NDUFB9: variants seen among roughly 807,000 people sequenced by gnomAD.
NDUFB9 encodes the protein NADH:ubiquinone oxidoreductase subunit B9, also known as NADH dehydrogenase [ubiquinone] 1 beta subcomplex subunit 9.
In NDUFB9, 24 loss-of-function variants were observed where a neutral mutation model predicts 30.2. That is an observed-to-expected ratio of 0.80 (90% CI 0.58 to 1.12). The LOEUF (loss-of-function observed/expected upper bound fraction) is 1.12. Among genes scored for constraint, NDUFB9 ranks in the 50% most tolerant of loss-of-function variants. The pLI is 0.00. For synonymous variants in NDUFB9, 80 were observed against 84.0 expected (o/e 0.95, Z 0.26); for missense variants, 204 against 226.0 (o/e 0.90, Z 0.62).
intron 3 of NDUFB9, among the ~76,000 whole-genome samples, chr8:124,549,292 C>G (rs1490669152): frequency 2.0e-5 from 3 of 152,164 alleles, no homozygotes; most frequent in Non-Finnish European, 2.9e-5. Context: ...TATTTTTGTT[C>G]TTGGTTGCTA....
intron 2 of NDUFB9, among the ~76,000 whole-genome samples, chr8:124,545,010 CAGA>C (rs1284882485): frequency 6.6e-6 from 1 of 152,142 alleles, no homozygotes; most frequent in East Asian, 1.9e-4. Flanking sequence ...AAGACTTCAG[CAGA>C]AGAAGTAACT....
rs1267343192 is a variant in NDUFB9 at position 124,549,747 on chromosome 8, T to A, written c.409-14T>A. On this transcript the variant is annotated splice_polypyrimidine_tract_variant and intron_variant, in intron 3 of 3. Transcript: ENST00000276689. ...GATTCCTTTGGTAATGATTCCTTCC[T>A]TGCCTCCTTCTAGGTTAAGCAGCTG... 1 of 1,613,502 alleles carries A rather than the reference T, an allele frequency of 6.2e-7. No individual in the cohort carries two copies. The highest frequency in any genetic ancestry group is 1.1e-5 in the South Asian group (1 of 91,072).
intron 1 of NDUFB9, among the ~76,000 whole-genome samples, chr8:124,542,590 A>G (rs1822039693): frequency 6.6e-6 from 1 of 152,132 alleles, no homozygotes; most frequent in African/African-American, 2.4e-5. Context: ...TAACTTGCCT[A>G]AGTTTATGCA....
In NDUFB9 at chr8:124,549,891, A is replaced by G. The variant is rs1377795411; in HGVS notation, c.539A>G (p.Ter180TrpextTer12). 1 of 1,614,180 alleles carries G rather than the reference A, an allele frequency of 6.2e-7. No individual in the cohort carries two copies. The highest frequency in any genetic ancestry group is 1.7e-5 in the Admixed American group (1 of 60,020). The change falls in exon 4 of 4, where the codon TAG (stop) becomes TGG (tryptophan). Residue 180 changes from the stop codon to tryptophan (W), a stop_lost. Transcript: ENST00000276689. ...ACCAGACCCCGGGAGCGGCCCATGT[A>G]GAAAGAGAGAGACCTCATCTTTCAT... ...IVTRPRERPM[*>W]
chr8:124,543,091 A>G lies in NDUFB9; in HGVS notation c.106A>G (p.Lys36Glu). Residue 36 changes from lysine (K) to glutamate (E), a missense_variant, in exon 2 of 4, where the codon AAA becomes GAA. By Grantham distance (56) the Lys-to-Glu change is moderately conservative. Coordinates refer to ENST00000276689, the MANE Select transcript of NDUFB9 (RefSeq NM_005005.3). ...HLESWCVQRDKYRYFACLMRA... is the reference protein window; with the variant it reads ...HLESWCVQRDEYRYFACLMRA... ...TCAAAATCATTTTGGTTTAAGAGAC[A>G]AATACCGATACTTTGCTTGTTTGAT... 6.2e-7 allele frequency: 1 copy of G among 1,614,178 alleles called. No individual in the cohort carries two copies.
At position 124,542,076 on chromosome 8, in the gene NDUFB9, C is replaced by T. The variant is rs141278034; in HGVS notation, c.102-1011C>T. 2.8e-3 allele frequency among the ~76,000 whole-genome samples: 426 copies of T among 150,392 alleles called. 1 individual carries two copies. Among genetic ancestry groups the T allele is most frequent in the African/African-American group, 0.01 (413 of 40,814 alleles). The stretch of plus-strand genomic sequence containing the variant: ...GATTACAGGTGCCTGCCACCACGCC[C>T]GGCTAGTTTTTGTATTTTTAGCTGA... On this transcript the variant is annotated intron_variant, in intron 1 of 3. Transcript: ENST00000276689.
chr8:124,542,073 G>A (rs1037340222), intron 1 of NDUFB9, among the ~76,000 whole-genome samples: 5 of 151,456 alleles, frequency 3.3e-5, no homozygotes, highest in South Asian at 4.2e-4. Flanking sequence ...CTGCCACCAC[G>A]CCCGGCTAGT....
At chr8:124,545,066 A>G (rs926261545) in intron 2 of NDUFB9, among the ~76,000 whole-genome samples, 5 of 152,228 alleles carry the variant, frequency 3.3e-5, no homozygotes, top group Non-Finnish European at 7.3e-5. Context: ...ATAGAAGCTG[A>G]TCCTGAGAAT....
chr8:124,543,241 C>A lies in NDUFB9; in HGVS notation c.256C>A (p.Pro86Thr). ...ACAGCCATACATCTTCCCTGACTCTCCTGGGGGCACCTCCTATGAGAGATA... is the reference window on the plus strand; with the variant it reads ...ACAGCCATACATCTTCCCTGACTCTACTGGGGGCACCTCCTATGAGAGATA... ...HPQPYIFPDSPGGTSYERYDC... is the reference protein window; with the variant it reads ...HPQPYIFPDSTGGTSYERYDC... The change falls in exon 2 of 4, where the codon CCT (proline) becomes ACT (threonine). Residue 86 changes from proline (P) to threonine (T), a missense_variant. By Grantham distance (38) the Pro-to-Thr change is conservative. Transcript: ENST00000276689. The A allele has an allele frequency of 1.2e-6, 2 of 1,614,192 alleles. No homozygotes were observed. Among genetic ancestry groups the A allele is most frequent in the Non-Finnish European group, 1.7e-6 (2 of 1,180,028 alleles).
At chr8:124,544,139 C>G (rs1467448983) in intron 2 of NDUFB9, among the ~76,000 whole-genome samples, 2 of 152,192 alleles carry the variant, frequency 1.3e-5, no homozygotes, top group African/African-American at 4.8e-5. Context: ...GACAAAAGAT[C>G]AAACCAGCCA....
intron 1 of NDUFB9, chr8:124,542,833 A>C: frequency 8.9e-6 from 2 of 223,572 alleles, no homozygotes; most frequent in South Asian, 9.7e-5. Flanking sequence ...TTTTTTGTTT[A>C]AATCCTCATT....
intron 3 of NDUFB9, among the ~76,000 whole-genome samples, chr8:124,549,270 A>G (rs7827791): frequency 0.52 from 79,124 of 151,976 alleles, 21,066 homozygotes; most frequent in African/African-American, 0.62. Flanking sequence ...TTTTACATGT[A>G]ATTTTGTGAT....
chr8:124,547,376 C>T (rs1822188058), intron 3 of NDUFB9: 2 of 607,934 alleles, frequency 3.3e-6, no homozygotes, highest in African/African-American at 3.7e-5. Flanking sequence ...ACTTTTTTGC[C>T]TTCTTGCTAT....
chr8:124,540,730 C>T (rs1821931252), intron 1 of NDUFB9, among the ~76,000 whole-genome samples: 1 of 152,132 alleles, frequency 6.6e-6, no homozygotes, highest in Non-Finnish European at 1.5e-5. Context: ...GCCTTAATTT[C>T]TTCCTCCATT....
At chr8:124,541,405 C>T (rs750392285) in intron 1 of NDUFB9, among the ~76,000 whole-genome samples, 2 of 152,172 alleles carry the variant, frequency 1.3e-5, no homozygotes, top group Non-Finnish European at 2.9e-5. Context: ...TACTCATACA[C>T]CATGTATAAT....
chr8:124,541,859 C>T (rs183237161), intron 1 of NDUFB9, among the ~76,000 whole-genome samples: 78 of 152,072 alleles, frequency 5.1e-4, no homozygotes, highest in African/African-American at 1.8e-3. Context: ...ACCTCAGCCT[C>T]CCAAAGTGCT....
At position 124,539,245 on chromosome 8, in the gene NDUFB9, A is replaced by G. The variant is rs375156568; in HGVS notation, c.59A>G (p.Tyr20Cys). The change falls in exon 1 of 4, where the codon TAT (tyrosine) becomes TGT (cysteine). Residue 20 changes from tyrosine to cysteine, a missense_variant. Coordinates refer to ENST00000276689, the MANE Select transcript of NDUFB9 (RefSeq NM_005005.3). ...CATCAGCAAAAGGTGTTGCGGCTTTATAAGCGGGCGCTACGCCACCTCGAG... is the reference window on the plus strand; with the variant it reads ...CATCAGCAAAAGGTGTTGCGGCTTTGTAAGCGGGCGCTACGCCACCTCGAG... ...LTHQQKVLRL[Y>C]KRALRHLESW... The G allele has an allele frequency of 6.2e-7, 1 of 1,614,080 alleles. No homozygotes were observed. Among genetic ancestry groups the G allele is most frequent in the Non-Finnish European group, 8.5e-7 (1 of 1,180,042 alleles).
At chr8:124,543,831 G>A (rs184338995) in intron 2 of NDUFB9, among the ~76,000 whole-genome samples, 38 of 152,228 alleles carry the variant, frequency 2.5e-4, no homozygotes, top group African/African-American at 8.7e-4. Context: ...GACAATTAAC[G>A]ACCATACCAT....
intron 1 of NDUFB9, chr8:124,542,794 C>T (rs568595763): frequency 4.0e-5 from 15 of 375,730 alleles, no homozygotes; most frequent in African/African-American, 1.3e-4. Context: ...TTTTCTCTTG[C>T]GAATGCTCTT....
Sources: allele counts gnomAD v4.1 joint callset (sites outside exome capture counted in the v4.1 genomes callset), GRCh38; gene constraint gnomAD v4.1.1; transcripts MANE v1.5; gene names NCBI Gene and HGNC (gene_info 2026-07-23, HGNC 2026-07-21).